The following GPR39 variants were observed in gnomAD, a reference collection of about 807,000 sequenced individuals.
GPR39 encodes the protein G protein-coupled receptor 39.
A neutral mutation model predicts 18.4 loss-of-function variants in GPR39; 23 were observed. That is an observed-to-expected ratio of 1.25 (90% CI 0.90 to 1.77). GPR39 has a LOEUF of 1.77. Ranked by LOEUF, GPR39 falls within the 40% of genes most tolerant of loss-of-function variation. The pLI, the probability that GPR39 is intolerant of heterozygous loss-of-function variation, is 0.00. For missense variants in GPR39, 647 were observed against 602.4 expected (o/e 1.07, Z -0.78); for synonymous variants, 280 against 257.9 (o/e 1.09, Z -0.82).
chr2:132,429,154 G>A (rs961289693), intron 1 of GPR39, among the ~76,000 whole-genome samples: 8 of 152,150 alleles, frequency 5.3e-5, no homozygotes, highest in African/African-American at 9.7e-5. Context: ...TGAAGGTATC[G>A]TTATCCTCAC....
chr2:132,500,118 T>C (rs1277902696), intron 1 of GPR39, among the ~76,000 whole-genome samples: 1 of 152,342 alleles, frequency 6.6e-6, no homozygotes, highest in African/African-American at 2.4e-5. Context: ...TCCAGTACTA[T>C]GCTGAGTAGA....
chr2:132,634,946 T>C (rs995416132), intron 1 of GPR39, among the ~76,000 whole-genome samples: 1 of 152,180 alleles, frequency 6.6e-6, no homozygotes, highest in African/African-American at 2.4e-5. Context: ...GGTTAATCAG[T>C]AGCAAAGGGG....
intron 1 of GPR39, among the ~76,000 whole-genome samples, chr2:132,506,910 C>T (rs1291934006): frequency 2.6e-5 from 4 of 151,868 alleles, no homozygotes; most frequent in African/African-American, 4.8e-5. Flanking sequence ...CTAAATACTG[C>T]TTATTCTATA....
intron 1 of GPR39, among the ~76,000 whole-genome samples, chr2:132,441,063 TAAG>T (rs1239742181): frequency 1.3e-5 from 2 of 152,258 alleles, no homozygotes; most frequent in Non-Finnish European, 2.9e-5. Flanking sequence ...GCCATGCTCA[TAAG>T]AAGCCTGCCT....
At chr2:132,489,999 A>AGTCCC (rs1681425643) in intron 1 of GPR39, among the ~76,000 whole-genome samples, 1 of 151,784 alleles carries the variant, frequency 6.6e-6, no homozygotes, top group Non-Finnish European at 1.5e-5. Flanking sequence ...CTCACCAGGT[A>AGTCCC]GTCCCCAGGC....
intron 1 of GPR39, among the ~76,000 whole-genome samples, chr2:132,466,926 ATT>A (rs1461655783): frequency 3.9e-5 from 6 of 152,062 alleles, no homozygotes; most frequent in Admixed American, 3.3e-4. Flanking sequence ...GTGTGAACTG[ATT>A]TCTCCTGCGT....
At chr2:132,584,307 C>T (rs895768002) in intron 1 of GPR39, among the ~76,000 whole-genome samples, 2 of 152,132 alleles carry the variant, frequency 1.3e-5, no homozygotes, top group East Asian at 1.9e-4. Context: ...GAAAGGCCTG[C>T]GTGTTCCTCT....
rs1460027340 is a variant in GPR39 at position 132,646,112 on chromosome 2, G to A, written c.*506G>A. On this transcript the variant is annotated 3_prime_UTR_variant, in exon 2 of 2. Transcript: ENST00000329321. ...GGTGGTGCGGAGCCCTGGCCTGAGG[G>A]CCGAGGCAGAACTTCCCCTTTTCTT... is the stretch of plus-strand genomic sequence containing the variant. 2.5e-6 allele frequency: 4 copies of A among 1,608,566 alleles called. No individual in the cohort carries two copies. The African/African-American group carries it at 5.4e-5, about 22-fold the overall frequency.
At chr2:132,471,012 T>A (rs918230741) in intron 1 of GPR39, among the ~76,000 whole-genome samples, 7 of 152,202 alleles carry the variant, frequency 4.6e-5, no homozygotes, top group Non-Finnish European at 1.0e-4. Context: ...CCACTGACCC[T>A]TGGCAAATCA....
chr2:132,558,155 A>AC (rs1680188750), intron 1 of GPR39, among the ~76,000 whole-genome samples: 1 of 151,964 alleles, frequency 6.6e-6, no homozygotes, highest in Non-Finnish European at 1.5e-5. Flanking sequence ...GCAGAATGTG[A>AC]CCCCTACAGA....
At chr2:132,425,126 T>A (rs1680094453) in intron 1 of GPR39, among the ~76,000 whole-genome samples, 2 of 152,208 alleles carry the variant, frequency 1.3e-5, no homozygotes, top group South Asian at 4.1e-4. Context: ...ATATCTCCCA[T>A]GACAAAACTT....
rs1573607123 is a variant in GPR39 at position 132,448,701 on chromosome 2, A to G, written c.856+30803A>G. On this transcript the variant is annotated intron_variant, in intron 1 of 1. Transcript: ENST00000329321. The stretch of plus-strand genomic sequence containing the variant: ...CCACCAGATGAAAATGTCCAATAAC[A>G]TCATGATACTTTATTTCATATTTTA... 3.3e-5 allele frequency among the ~76,000 whole-genome samples: 5 copies of G among 152,342 alleles called. No individual in the cohort carries two copies. The East Asian group carries it at 9.6e-4, about 29-fold the overall frequency.
chr2:132,488,035 T>C (rs573512894), intron 1 of GPR39, among the ~76,000 whole-genome samples: 2 of 152,168 alleles, frequency 1.3e-5, no homozygotes, highest in African/African-American at 2.4e-5. Flanking sequence ...GTATATAGCT[T>C]TCAAAGAAAA....
chr2:132,539,063 G>A (rs925279455), intron 1 of GPR39, among the ~76,000 whole-genome samples: 1 of 152,168 alleles, frequency 6.6e-6, no homozygotes, highest in African/African-American at 2.4e-5. Flanking sequence ...CTTTCCAGGG[G>A]TGTGGATGGT....
chr2:132,466,321 A>C (rs1680926689), intron 1 of GPR39, among the ~76,000 whole-genome samples: 1 of 152,248 alleles, frequency 6.6e-6, no homozygotes, highest in Non-Finnish European at 1.5e-5. Flanking sequence ...CACAACATTT[A>C]AAAAGAAAGA....
chr2:132,478,349 A>G (rs1311886073), intron 1 of GPR39, among the ~76,000 whole-genome samples: 2 of 152,248 alleles, frequency 1.3e-5, no homozygotes, highest in Non-Finnish European at 2.9e-5. Flanking sequence ...TTATCTGGCA[A>G]AATAATCCAT....
At chr2:132,530,863 T>C (rs915112024) in intron 1 of GPR39, among the ~76,000 whole-genome samples, 2 of 152,070 alleles carry the variant, frequency 1.3e-5, no homozygotes, top group African/African-American at 4.8e-5. Context: ...GCACTAAACA[T>C]GGAAAGGAAC....
chr2:132,541,069 G>T (rs1010600612), intron 1 of GPR39, among the ~76,000 whole-genome samples: 1 of 151,840 alleles, frequency 6.6e-6, no homozygotes, highest in Admixed American at 6.6e-5. Context: ...GGAGACCTGG[G>T]CTTTTTCTTC....
rs144694351 is a variant in GPR39, at chr2:132,492,172, T to C, written c.856+74274T>C. On this transcript the variant is annotated intron_variant, in intron 1 of 1. Coordinates refer to ENST00000329321, the MANE Select transcript of GPR39 (RefSeq NM_001508.3). The stretch of plus-strand genomic sequence containing the variant: ...ACACCACATAAATATATACACACCA[T>C]ATATACACCATATATATACATACCA... Among the ~76,000 whole-genome samples, 35 of 146,100 alleles carry C rather than the reference T, an allele frequency of 2.4e-4. No individual in the cohort carries two copies. In the East Asian group the frequency reaches 3.8e-3, roughly 16 times the overall value.
Sources: allele counts gnomAD v4.1 joint callset (sites outside exome capture counted in the v4.1 genomes callset), GRCh38; gene constraint gnomAD v4.1.1; transcripts MANE v1.5; gene names NCBI Gene and HGNC (gene_info 2026-07-23, HGNC 2026-07-21).